F13B: variants seen among roughly 807,000 people sequenced by gnomAD.
The protein encoded by F13B is TGase.
Under a neutral mutation model 79.8 loss-of-function variants are expected in F13B, and 58 were observed. The ratio of observed to expected loss-of-function variants is 0.73; its 90% CI spans 0.59 to 0.90. F13B has a LOEUF of 0.90. F13B is among the 40% of genes least tolerant of loss of function. The probability of loss-of-function intolerance (pLI) is 0.00; values close to 1 mark genes in which losing one functional copy is unlikely to be tolerated. For missense variants in F13B, 773 were observed against 777.0 expected, an observed-to-expected ratio of 0.99 and a Z score of 0.06; for synonymous variants, 283 against 260.3, an observed-to-expected ratio of 1.09 and a Z score of -0.84.
Position 197,052,751 on chromosome 1 carries a change from C to T in F13B, c.1438G>A (p.Asp480Asn). ...WKYEGKVLHG[D>N]LIDFVCKQGY... The stretch of plus-strand genomic sequence containing the variant: ...TGTTTACATACAAAATCTATTAAAT[C>T]TCCATGTAAGACTTTCCCTTCATAT... Residue 480 changes from aspartate to asparagine, a missense_variant, in exon 9 of 12, where the codon GAT (aspartate) becomes AAT (asparagine). Transcript: ENST00000367412. The T allele has an allele frequency of 6.2e-7, 1 of 1,611,270 alleles. No homozygotes were observed. Among genetic ancestry groups the T allele is most frequent in the Non-Finnish European group, 8.5e-7 (1 of 1,178,486 alleles).
At chr1:197,056,237 CTTTTA>C (rs1424842347) in intron 7 of F13B, among the ~76,000 whole-genome samples, 1 of 152,116 alleles carries the variant, frequency 6.6e-6, no homozygotes, top group African/African-American at 2.4e-5. Context: ...CATTACCCCA[CTTTTA>C]TTTTCTTCTT....
At chr1:197,047,783 A>AT (rs1272630394) in intron 10 of F13B, among the ~76,000 whole-genome samples, 2 of 152,188 alleles carry the variant, frequency 1.3e-5, no homozygotes, top group Non-Finnish European at 2.9e-5. Context: ...AATGTGGCAC[A>AT]TACACACCAT....
chr1:197,041,527 A>G (rs1186756166), intron 10 of F13B, among the ~76,000 whole-genome samples: 1 of 152,158 alleles, frequency 6.6e-6, no homozygotes, highest in Non-Finnish European at 1.5e-5. Context: ...AACTTCTGAG[A>G]CAGGTAAAAA....
chr1:197,057,476 AAATT>A lies in F13B; in HGVS notation c.806-15_806-12del. 3 of 1,613,446 alleles carry A rather than the reference AAATT, an allele frequency of 1.9e-6. No homozygotes were observed. Among genetic ancestry groups the A allele is most frequent in the South Asian group, 2.2e-5 (2 of 91,064 alleles). ...ATCTGTTTCTTCTTCCTTATGGAAA[AAATT>A]AATCAGCACCTTTAGTCATATAATT... On this transcript the variant is annotated splice_polypyrimidine_tract_variant and intron_variant, in intron 5 of 11. Coordinates refer to ENST00000367412, the MANE Select transcript of F13B (RefSeq NM_001994.3).
At chr1:197,041,988 G>T (rs1655053477) in intron 10 of F13B, among the ~76,000 whole-genome samples, 1 of 152,102 alleles carries the variant, frequency 6.6e-6, no homozygotes, top group African/African-American at 2.4e-5. Context: ...CATATCTGGG[G>T]CAGGAAGGAT....
At chr1:197,042,359 T>C (rs553796478) in intron 10 of F13B, among the ~76,000 whole-genome samples, 1 of 152,320 alleles carries the variant, frequency 6.6e-6, no homozygotes, top group African/African-American at 2.4e-5. Context: ...AGTTGATTCA[T>C]GGACCTTTAA....
chr1:197,057,109 T>C lies in F13B; in HGVS notation c.1075A>G (p.Lys359Glu), dbSNP rs1283696465. The C allele has an allele frequency of 3.1e-6, 5 of 1,613,772 alleles. No homozygotes were observed. Among genetic ancestry groups the C allele is most frequent in the African/African-American group, 1.3e-5 (1 of 74,926 alleles). The change falls in exon 7 of 12, where the codon AAA becomes GAA. Residue 359 changes from lysine (K) to glutamate (E), a missense_variant. By Grantham distance (56) the Lys-to-Glu change is moderately conservative (BLOSUM62 1). Transcript: ENST00000367412. ...LHSKIYYNGD[K>E]VTYACKSGYL... The stretch of plus-strand genomic sequence containing the variant: ...CCGCTTTTACATGCATATGTCACTT[T>C]ATCCCCATTGTAATAAATCTTAGAG...
chr1:197,057,191 C>T lies in F13B; in HGVS notation c.993G>A (p.Gln331=), dbSNP rs777127716. 1.2e-6 allele frequency: 2 copies of T among 1,613,886 alleles called. No homozygotes were observed. Reference sequence around the variant, plus strand: ...GTGGTTCCTCACAGGCTACCTTCTCCTGTCCTTCTGAAAAGGTACAGTTGA... The same window carrying T: ...GTGGTTCCTCACAGGCTACCTTCTCTTGTCCTTCTGAAAAGGTACAGTTGA... ...WTEPPKCIEG[Q]EKVACEEPPF... Residue 331 remains glutamine, a synonymous_variant, in exon 7 of 12, where the codon CAG becomes CAA. Coordinates refer to ENST00000367412, the MANE Select transcript of F13B (RefSeq NM_001994.3).
chr1:197,044,648 C>G (rs1199465546), intron 10 of F13B, among the ~76,000 whole-genome samples: 1 of 151,986 alleles, frequency 6.6e-6, no homozygotes, highest in Non-Finnish European at 1.5e-5. Flanking sequence ...CAGCTCTGGA[C>G]CAAGCAGACC....
At chr1:197,052,533 A>G (rs533951876) in intron 9 of F13B, 101 bp downstream of exon 9, 5 of 764,974 alleles carry the variant, frequency 6.5e-6, no homozygotes, top group Admixed American at 5.7e-5. Context: ...ATTAAAAAGA[A>G]TAATAATAAG....
At chr1:197,047,971 C>T (rs561155618) in intron 10 of F13B, among the ~76,000 whole-genome samples, 5 of 152,166 alleles carry the variant, frequency 3.3e-5, no homozygotes, top group Admixed American at 1.3e-4. Flanking sequence ...CAGGGAATAT[C>T]AAACACCAGG....
At chr1:197,049,426 A>C (rs1479415871) in intron 10 of F13B, among the ~76,000 whole-genome samples, 2 of 152,120 alleles carry the variant, frequency 1.3e-5, no homozygotes. Flanking sequence ...CAATAAAAAC[A>C]TCAAAAAGAG....
Position 197,060,926 on chromosome 1 carries a change from C to T in F13B, c.601G>A (p.Gly201Arg), listed in dbSNP as rs757755219. The T allele has an allele frequency of 2.5e-5, 40 of 1,612,994 alleles. 1 individual carries two copies. Among genetic ancestry groups the T allele is most frequent in the Middle Eastern group, 1.6e-4 (1 of 6,078 alleles). ...GTACATTTTGGTGTGAGAGACCATC[C>T]GTATGTGAGACATTCTACCTCCTCT... Reference protein sequence around the residue: ...KTEEVECLTYGWSLTPKCTKL... With the variant: ...KTEEVECLTYRWSLTPKCTKL... The change falls in exon 4 of 12, where the codon GGA (glycine) becomes AGA (arginine). Residue 201 changes from glycine to arginine, a missense_variant. Physicochemically the swap from Gly to Arg is moderately radical, Grantham distance 125. Transcript: ENST00000367412.
rs577658807 is a variant in F13B, at chr1:197,059,257, A to T, written c.805+1109T>A. On this transcript the variant is annotated intron_variant, in intron 5 of 11. Transcript: ENST00000367412. ...AATAAGGAATAATAGACTTTAAAAA[A>T]ATTTGCTTAAAAAATCTACTTCTCT... Among the ~76,000 whole-genome samples the T allele has an allele frequency of 4.8e-4, 73 of 152,230 alleles. No homozygotes were observed. In the South Asian group the frequency reaches 6.0e-3, roughly 13 times the overall value.
rs1331760743 is a variant in F13B at position 197,039,256 on chromosome 1, T to C, written c.*122A>G. 1 of 802,110 alleles carries C rather than the reference T, an allele frequency of 1.2e-6. No individual in the cohort carries two copies. The highest frequency in any genetic ancestry group is 1.7e-5 in the African/African-American group (1 of 57,824). The allele number at this position is 802,110 out of a possible 1,614,324, so 49.7% of individuals were successfully genotyped here. A position where few individuals can be genotyped will look rare whatever the true frequency, so the allele number is the denominator to read the frequency against. Reference sequence around the variant, plus strand: ...ATAACGAAATGTTCAGCACAAATAATTTAGATTCAAATATTTAAGCAAGGA... The same window carrying C: ...ATAACGAAATGTTCAGCACAAATAACTTAGATTCAAATATTTAAGCAAGGA... On this transcript the variant is annotated 3_prime_UTR_variant, in exon 12 of 12. Coordinates refer to ENST00000367412, the MANE Select transcript of F13B (RefSeq NM_001994.3).
intron 5 of F13B, among the ~76,000 whole-genome samples, chr1:197,059,230 T>C (rs1655756766): frequency 6.6e-6 from 1 of 151,972 alleles, no homozygotes; most frequent in Admixed American, 6.6e-5. Flanking sequence ...AAATAAAAAA[T>C]AAATAAGGAA....
intron 7 of F13B, 148 bp from the exon 8 acceptor site, chr1:197,056,045 A>T (rs1006287300): frequency 1.3e-6 from 1 of 770,874 alleles, no homozygotes; most frequent in Non-Finnish European, 2.0e-6. Context: ...TTTTCAGCTC[A>T]AATATTTTTA....
At chr1:197,049,803 T>C (rs956513010) in intron 10 of F13B, among the ~76,000 whole-genome samples, 3 of 152,100 alleles carry the variant, frequency 2.0e-5, no homozygotes, top group Non-Finnish European at 4.4e-5. Flanking sequence ...AAATATAACA[T>C]ATAATATGCA....
chr1:197,062,890 T>A lies in F13B; in HGVS notation c.232A>T (p.Thr78Ser), dbSNP rs1249711828. The A allele has an allele frequency of 1.2e-6, 2 of 1,613,880 alleles. No individual in the cohort carries two copies. Among genetic ancestry groups the A allele is most frequent in the Admixed American group, 1.7e-5 (1 of 59,998 alleles). The change falls in exon 2 of 12, where the codon ACA (threonine) becomes TCA (serine). Residue 78 changes from threonine (T) to serine (S), a missense_variant. Transcript: ENST00000367412. ...CTTGGCTCTGGAGACCAGCCTTCTG[T>A]TGTACACGTGGTTTGCTCTTCTTGT... ...GRQEEQTTCT[T>S]EGWSPEPRCF...
Sources: gnomAD v4.1 joint callset for allele counts (sites outside exome capture counted in the v4.1 genomes callset) on GRCh38, gnomAD v4.1.1 for gene constraint, MANE v1.5 for transcripts, NCBI Gene and HGNC (gene_info 2026-07-23, HGNC 2026-07-21) for gene names.